The following DDX21 variants were observed in gnomAD, a reference collection of about 807,000 sequenced individuals.
DDX21 encodes the protein nucleolar RNA helicase 2.
A neutral mutation model predicts 90.0 loss-of-function variants in DDX21; 18 were observed. The ratio of observed to expected loss-of-function variants is 0.20; its 90% CI spans 0.14 to 0.30. The LOEUF is 0.30. DDX21 is among the 10% of genes least tolerant of loss of function. The pLI, the probability that DDX21 is intolerant of heterozygous loss-of-function variation, is 1.00. For synonymous variants in DDX21, 294 were observed against 318.0 expected (o/e 0.92, Z 0.80); for missense variants, 673 against 944.5 (o/e 0.71, Z 3.77).
At chr10:68,965,009 T>C (rs183651404) in intron 4 of DDX21, among the ~76,000 whole-genome samples, 1 of 152,284 alleles carries the variant, frequency 6.6e-6, no homozygotes, top group Non-Finnish European at 1.5e-5. Flanking sequence ...CCCCTTACAT[T>C]GTTGGCTCTA....
chr10:68,957,578 T>G (rs1564624152), intron 1 of DDX21, among the ~76,000 whole-genome samples: 1 of 152,232 alleles, frequency 6.6e-6, no homozygotes, highest in Non-Finnish European at 1.5e-5. Context: ...AAGAAGGTCG[T>G]GGTCCTGGTT....
At chr10:68,970,458 G>A in intron 8 of DDX21, 108 bp downstream of exon 8, 3 of 926,828 alleles carry the variant, frequency 3.2e-6, no homozygotes, top group Non-Finnish European at 4.5e-6. Flanking sequence ...TACCAGTTTA[G>A]TTTAGTTTAG....
In DDX21 at chr10:68,983,698, T is replaced by TAAAAAAAAAAAA. The variant is rs3086423; in HGVS notation, c.*896_*907dup. On this transcript the variant is annotated 3_prime_UTR_variant, in exon 15 of 15. Coordinates refer to ENST00000354185, the MANE Select transcript of DDX21 (RefSeq NM_004728.4). ...CAGATTAGCATTGCTCAAGAGTATG[T>TAAAAAAAAAAAA]AAAAAAAAAAAAAAAAAAAAAGAAC... 3 of 111,232 alleles carry TAAAAAAAAAAAA rather than the reference T, an allele frequency of 2.7e-5. No individual in the cohort carries two copies. Among genetic ancestry groups the TAAAAAAAAAAAA allele is most frequent in the East Asian group, 2.5e-4 (1 of 3,932 alleles). The allele number at this position is 111,232 out of a possible 1,614,324, so 6.9% of individuals were successfully genotyped here. A position where few individuals can be genotyped will look rare whatever the true frequency, so the allele number is the denominator to read the frequency against.
chr10:68,975,379 C>T (rs7908750), intron 11 of DDX21, among the ~76,000 whole-genome samples: 19,795 of 152,098 alleles, frequency 0.13, 2,386 homozygotes, highest in African/African-American at 0.32. Context: ...TATTTAGCTG[C>T]TTAGGATCCG....
chr10:68,980,186 G>A (rs1012512198), intron 13 of DDX21, among the ~76,000 whole-genome samples: 5 of 152,098 alleles, frequency 3.3e-5, no homozygotes, highest in African/African-American at 1.2e-4. Context: ...GTTGCGGTGA[G>A]CCGAGATCGC....
intron 2 of DDX21, among the ~76,000 whole-genome samples, chr10:68,960,861 G>C (rs1049646501): frequency 2.0e-5 from 3 of 151,846 alleles, no homozygotes; most frequent in Non-Finnish European, 4.4e-5. Context: ...GAGAGTCTTG[G>C]TCTGCTTATT....
intron 5 of DDX21, among the ~76,000 whole-genome samples, chr10:68,965,900 T>TTA (rs989661890): frequency 1.7e-4 from 3 of 17,436 alleles, no homozygotes; most frequent in African/African-American, 5.0e-4. Flanking sequence ...GGGCCAAATG[T>TTA]TAGTCTCTAC....
rs556936102 is a variant in DDX21, at chr10:68,977,580, T to G, written c.1794T>G (p.Ala598=). The G allele has an allele frequency of 1.9e-6, 3 of 1,613,596 alleles. No individual in the cohort carries two copies. Among genetic ancestry groups the G allele is most frequent in the South Asian group, 2.2e-5 (2 of 91,042 alleles). ...CCATTAGTCACTTCAAACAATCAGCTGAGAAGCTGATAGAGGAGAAGGGAG... is the reference window on the plus strand; with the variant it reads ...CCATTAGTCACTTCAAACAATCAGCGGAGAAGCTGATAGAGGAGAAGGGAG... ...PTAISHFKQS[A]EKLIEEKGAV... Residue 598 remains alanine (A), a synonymous_variant, in exon 12 of 15, where the codon GCT becomes GCG. Transcript: ENST00000354185.
rs549723542 is a variant in DDX21 at position 68,982,094 on chromosome 10, G to A, written c.2083-449G>A. ...TCGCCATGTTGGCCAGGCTGGTCTC[G>A]AACTCCTGACCGCGGGTGATCCACC... On this transcript the variant is annotated intron_variant, in intron 14 of 14. Coordinates refer to ENST00000354185, the MANE Select transcript of DDX21 (RefSeq NM_004728.4). Among the ~76,000 whole-genome samples the A allele has an allele frequency of 6.6e-5, 10 of 152,202 alleles. No individual in the cohort carries two copies. The South Asian group carries it at 1.4e-3, about 22-fold the overall frequency.
intron 11 of DDX21, 99 bp downstream of exon 11, chr10:68,974,842 TAA>T (rs139900815): frequency 4.7e-5 from 43 of 921,470 alleles, no homozygotes; most frequent in South Asian, 4.0e-4. Context: ...ATTTTTTTTT[TAA>T]AATTTTTGAG....
chr10:68,973,608 A>C lies in DDX21; in HGVS notation c.1612A>C (p.Ile538Leu). Residue 538 changes from isoleucine (I) to leucine (L), a missense_variant, in exon 10 of 15, where the codon ATC becomes CTC. Ile to Leu is a conservative substitution (Grantham distance 5, BLOSUM62 2). Transcript: ENST00000354185. ...CAGAGCTGGAAGGACGGGGGTGTGC[A>C]TCTGCTTTTATCAGCACAAGGAAGA... ...TGRAGRTGVC[I>L]CFYQHKEEYQ... 2 of 1,614,184 alleles carry C rather than the reference A, an allele frequency of 1.2e-6. No homozygotes were observed. Among genetic ancestry groups the C allele is most frequent in the Non-Finnish European group, 1.7e-6 (2 of 1,180,022 alleles).
chr10:68,982,918 C>T lies in DDX21; in HGVS notation c.*106C>T, dbSNP rs2132099391. On this transcript the variant is annotated 3_prime_UTR_variant, in exon 15 of 15. Coordinates refer to ENST00000354185, the MANE Select transcript of DDX21 (RefSeq NM_004728.4). ...AAAAGCACATTGTGCCTCCTTTTGA[C>T]CACTTGCCAAGTCCCTGTCTCTTTC... is the stretch of plus-strand genomic sequence containing the variant. 2.1e-6 allele frequency: 3 copies of T among 1,412,022 alleles called. No homozygotes were observed. Among genetic ancestry groups the T allele is most frequent in the East Asian group, 2.5e-5 (1 of 40,502 alleles). The allele number at this position is 1,412,022 out of a possible 1,614,324, so 87.5% of individuals were successfully genotyped here.
Position 68,960,177 on chromosome 10 carries a change from A to T in DDX21, c.459A>T (p.Gly153=). 1 of 1,613,698 alleles carries T rather than the reference A, an allele frequency of 6.2e-7. No homozygotes were observed. Among genetic ancestry groups the T allele is most frequent in the Middle Eastern group, 1.7e-4 (1 of 6,060 alleles). ...AGAAAAGCCCCAAACTGAAGAATGG[A>T]TTTCCTCATCCTGAACCGGACTGTA... ...TREKSPKLKN[G]FPHPEPDCNP... The change falls in exon 2 of 15, where the codon GGA becomes GGT. Residue 153 remains glycine (G), a synonymous_variant. Transcript: ENST00000354185.
intron 1 of DDX21, among the ~76,000 whole-genome samples, chr10:68,959,243 T>C (rs2132078168): frequency 6.6e-6 from 1 of 152,204 alleles, no homozygotes; most frequent in South Asian, 2.1e-4. Flanking sequence ...CATGTAATCC[T>C]AGCAGTTTGG....
chr10:68,977,784 C>T, intron 12 of DDX21, 96 bp downstream of exon 12: 2 of 1,306,610 alleles, frequency 1.5e-6, no homozygotes, highest in Middle Eastern at 2.9e-4. Context: ...TTTTCATTTT[C>T]TCATGAAGTT....
intron 14 of DDX21, 69 bp from the exon 15 acceptor site, chr10:68,982,472 TTG>T: frequency 1.3e-6 from 2 of 1,533,516 alleles, no homozygotes; most frequent in Non-Finnish European, 1.8e-6. Context: ...GGCAAATATT[TTG>T]TTTTTCTCAT....
In DDX21 at chr10:68,983,654, C is replaced by T. The variant is rs1432945304; in HGVS notation, c.*842C>T. ...GATTAACATTATTTACCAAGAAGGACTTAAGGGAGTAGGGGGCGCAGATTA... is the reference window on the plus strand; with the variant it reads ...GATTAACATTATTTACCAAGAAGGATTTAAGGGAGTAGGGGGCGCAGATTA... On this transcript the variant is annotated 3_prime_UTR_variant, in exon 15 of 15. Coordinates refer to ENST00000354185, the MANE Select transcript of DDX21 (RefSeq NM_004728.4). 3 of 129,926 alleles carry T rather than the reference C, an allele frequency of 2.3e-5. No individual in the cohort carries two copies. Among genetic ancestry groups the T allele is most frequent in the East Asian group, 2.5e-4 (1 of 3,922 alleles). 8.0% of individuals were successfully genotyped at this position (129,926 alleles called of 1,614,324 possible). A position where few individuals can be genotyped will look rare whatever the true frequency, so the allele number is the denominator to read the frequency against.
chr10:68,959,407 T>A (rs1448352024), intron 1 of DDX21, among the ~76,000 whole-genome samples: 1 of 152,142 alleles, frequency 6.6e-6, no homozygotes, highest in Non-Finnish European at 1.5e-5. Flanking sequence ...GGCATGAGAA[T>A]AACTTGAACT....
chr10:68,972,631 C>T (rs1843042642), intron 9 of DDX21, among the ~76,000 whole-genome samples: 1 of 152,162 alleles, frequency 6.6e-6, no homozygotes, highest in African/African-American at 2.4e-5. Flanking sequence ...ACTATGAATT[C>T]ACCAATTCTT....
Sources: allele counts gnomAD v4.1 joint callset (sites outside exome capture counted in the v4.1 genomes callset), GRCh38; gene constraint gnomAD v4.1.1; transcripts MANE v1.5; gene names NCBI Gene and HGNC (gene_info 2026-07-23, HGNC 2026-07-21).